Variants in CENPU observed in about 807,000 individuals in gnomAD.
CENPU encodes the protein KSHV latent nuclear antigen interacting protein 1.
CENPU carries 46 observed loss-of-function variants against 56.7 expected under a neutral mutation model. The observed-to-expected ratio is 0.81, with a 90% CI of 0.64 to 1.04. The LOEUF is 1.04. Ranked by LOEUF, CENPU falls within the 50% of genes least tolerant of loss-of-function variation. The pLI is 0.00. For missense variants in CENPU, 510 were observed against 490.1 expected (o/e 1.04, Z -0.38); for synonymous variants, 166 against 163.0 (o/e 1.02, Z -0.14).
At chr4:184,702,324 A>G (rs1054897776) in intron 9 of CENPU, 39 bp downstream of exon 9, 1 of 1,588,786 alleles carries the variant, frequency 6.3e-7, no homozygotes, top group Non-Finnish European at 8.6e-7. Context: ...GATTAGTGAA[A>G]AAAACCTTAG....
At chr4:184,729,102 C>A in intron 2 of CENPU, 67 bp from the exon 3 acceptor site, 1 of 1,197,976 alleles carries the variant, frequency 8.3e-7, no homozygotes, top group Non-Finnish European at 1.2e-6. Context: ...ATTTATACAG[C>A]AAGAATATTC....
At chr4:184,711,110 C>G (rs1329401824) in intron 7 of CENPU, among the ~76,000 whole-genome samples, 1 of 152,170 alleles carries the variant, frequency 6.6e-6, no homozygotes, top group Admixed American at 6.5e-5. Flanking sequence ...CTCACCTCAG[C>G]CTCCCAAAGT....
intron 3 of CENPU, 106 bp downstream of exon 3, chr4:184,728,812 G>T: frequency 1.3e-6 from 1 of 780,114 alleles, no homozygotes. Flanking sequence ...ATATTTACAT[G>T]CAGGCAACTA....
At chr4:184,711,324 T>C (rs56844261) in intron 7 of CENPU, among the ~76,000 whole-genome samples, 27,095 of 152,126 alleles carry the variant, frequency 0.18, 2,714 homozygotes, top group African/African-American at 0.26. Flanking sequence ...TTTATGGGTA[T>C]GGTGTGATGT....
chr4:184,722,690 AAAAACAAAAC>A (rs199579853), intron 4 of CENPU, among the ~76,000 whole-genome samples: 76 of 147,276 alleles, frequency 5.2e-4, no homozygotes, highest in African/African-American at 1.7e-3. Context: ...ATGAACCAGT[AAAAACAAAAC>A]AAAACAAAAC....
chr4:184,697,967 A>G, intron 11 of CENPU, 164 bp from the exon 12 acceptor site: 1 of 560,680 alleles, frequency 1.8e-6, no homozygotes. Context: ...GTTTCAGTTT[A>G]AAATGTAGGA....
In CENPU at chr4:184,725,055, A is replaced by G. The variant is rs1761407116; in HGVS notation, c.222T>C (p.Pro74=). The G allele has an allele frequency of 6.2e-7, 1 of 1,601,494 alleles. No homozygotes were observed. Among genetic ancestry groups the G allele is most frequent in the South Asian group, 1.1e-5 (1 of 88,930 alleles). ...CAGCATATATAGCTGTGCTATGTAA[A>G]GGAGGATCTTTCAAAAGACAAAAAA... ...DEETYETFDP[P]LHSTAIYADE... is the part of the protein sequence containing the mutation. The change falls in exon 4 of 13, where the codon CCT becomes CCC. Residue 74 remains proline, a synonymous_variant. Transcript: ENST00000281453.
Position 184,697,784 on chromosome 4 carries a change from G to T in CENPU, c.1006C>A (p.Gln336Lys). 1.2e-6 allele frequency: 2 copies of T among 1,607,198 alleles called. No individual in the cohort carries two copies. Among genetic ancestry groups the T allele is most frequent in the Non-Finnish European group, 1.7e-6 (2 of 1,178,440 alleles). ...AGTTCATCATATTTTGTTTGTAGTT[G>T]TTTCAGCTGTGGCTCTAACCTAAAA... Reference protein sequence around the residue: ...ELLRLEPQLKQLQTKYDELKE... With the variant: ...ELLRLEPQLKKLQTKYDELKE... The change falls in exon 12 of 13, where the codon CAA (glutamine) becomes AAA (lysine). Residue 336 changes from glutamine (Q) to lysine (K), a missense_variant. Transcript: ENST00000281453.
chr4:184,717,162 C>T lies in CENPU; in HGVS notation c.355G>A (p.Glu119Lys), dbSNP rs772762451. 7 of 1,612,048 alleles carry T rather than the reference C, an allele frequency of 4.3e-6. No individual in the cohort carries two copies. In the South Asian group the frequency reaches 5.5e-5, roughly 13 times the overall value. The change falls in exon 5 of 13, where the codon GAA becomes AAA. Residue 119 changes from glutamate to lysine, a missense_variant. Physicochemically the swap from Glu to Lys is moderately conservative, Grantham distance 56. Coordinates refer to ENST00000281453, the MANE Select transcript of CENPU (RefSeq NM_024629.4). ...DTSGNEASEI[E>K]SVKISAKKPG... ...TTTTTTGCACTAATTTTTACAGATT[C>T]GATTTCACTTGCTTCATTTCCAGAA...
chr4:184,694,425 T>TAATA lies in CENPU; in HGVS notation c.*859_*862dup. 7.0e-7 allele frequency: 1 copy of TAATA among 1,435,862 alleles called. No individual in the cohort carries two copies. Among genetic ancestry groups the TAATA allele is most frequent in the South Asian group, 1.5e-5 (1 of 68,494 alleles). The allele number at this position is 1,435,862 out of a possible 1,614,324, so 88.9% of individuals were successfully genotyped here. On this transcript the variant is annotated 3_prime_UTR_variant, in exon 13 of 13. Transcript: ENST00000281453. ...CATATTCACTTTAGTATCTGTCACT[T>TAATA]AATACCTTACTTCAACATAGAGTAT...
rs141400170 is a variant in CENPU, at chr4:184,722,239, CA to C, written c.320+2717del. ...CAAAACCTATGGGATACCACAAAAGCAGTACTAAGAGGGAAGTTTACAGCTA... is the reference window on the plus strand; with the variant it reads ...CAAAACCTATGGGATACCACAAAAGCGTACTAAGAGGGAAGTTTACAGCTA... On this transcript the variant is annotated intron_variant, in intron 4 of 12. Coordinates refer to ENST00000281453, the MANE Select transcript of CENPU (RefSeq NM_024629.4). Among the ~76,000 whole-genome samples the C allele has an allele frequency of 7.2e-3, 1,102 of 152,116 alleles. 15 individuals carry two copies. Among genetic ancestry groups the C allele is most frequent in the African/African-American group, 0.025 (1,045 of 41,494 alleles).
rs201687211 is a variant in CENPU at position 184,716,183 on chromosome 4, C to A, written c.618+214G>T. ...CTTCTGACCTCAGGTGATCCCCCTG[C>A]CTCGGTCTCCCAAAGTGCTGGGATT... On this transcript the variant is annotated intron_variant, in intron 6 of 12. Coordinates refer to ENST00000281453, the MANE Select transcript of CENPU (RefSeq NM_024629.4). 1.6e-4 allele frequency among the ~76,000 whole-genome samples: 24 copies of A among 152,262 alleles called. No individual in the cohort carries two copies. In the East Asian group the frequency reaches 4.1e-3, roughly 26 times the overall value.
At chr4:184,716,783 T>C (rs890202488) in intron 5 of CENPU, 150 bp from the exon 6 acceptor site, 8 of 658,448 alleles carry the variant, frequency 1.2e-5, no homozygotes, top group Non-Finnish European at 2.0e-5. Context: ...ACTTAATTAG[T>C]GGATAGGACA....
Position 184,707,161 on chromosome 4 carries a change from C to G in CENPU, c.797+2911G>C, listed in dbSNP as rs141848656. On this transcript the variant is annotated intron_variant, in intron 8 of 12. Coordinates refer to ENST00000281453, the MANE Select transcript of CENPU (RefSeq NM_024629.4). ...GATGAGTTGGCATGACAGGCTGGCT[C>G]CTTTCCCCAAGCTCACCCAGAACTA... 1.6e-4 allele frequency among the ~76,000 whole-genome samples: 24 copies of G among 151,190 alleles called. No individual in the cohort carries two copies. In the East Asian group the frequency reaches 3.7e-3, roughly 23 times the overall value.
chr4:184,706,863 C>T lies in CENPU; in HGVS notation c.797+3209G>A, dbSNP rs532415851. Among the ~76,000 whole-genome samples the T allele has an allele frequency of 2.6e-3, 394 of 152,282 alleles. 1 individual carries two copies. The highest frequency in any genetic ancestry group is 3.1e-3 in the Non-Finnish European group (210 of 68,030). ...CATTTCTTATATCAAGAACTTACTACCCACTGCAGCAACTCAGACCTCTGT... is the reference window on the plus strand; with the variant it reads ...CATTTCTTATATCAAGAACTTACTATCCACTGCAGCAACTCAGACCTCTGT... On this transcript the variant is annotated intron_variant, in intron 8 of 12. Coordinates refer to ENST00000281453, the MANE Select transcript of CENPU (RefSeq NM_024629.4).
rs1197052625 is a variant in CENPU, at chr4:184,702,453, T to A, written c.798-12A>T. The A allele has an allele frequency of 4.4e-6, 7 of 1,591,942 alleles. No homozygotes were observed. The Admixed American group carries it at 5.5e-5, about 12-fold the overall frequency. Reference sequence around the variant, plus strand: ...ATTCTATTCTTTGTCTGTAGAGGAATTAAAAAAAAGTCTAAGTACCATGAT... The same window carrying A: ...ATTCTATTCTTTGTCTGTAGAGGAAATAAAAAAAAGTCTAAGTACCATGAT... On this transcript the variant is annotated splice_polypyrimidine_tract_variant and intron_variant, in intron 8 of 12. Coordinates refer to ENST00000281453, the MANE Select transcript of CENPU (RefSeq NM_024629.4).
At chr4:184,723,556 G>A (rs1328216751) in intron 4 of CENPU, among the ~76,000 whole-genome samples, 1 of 152,092 alleles carries the variant, frequency 6.6e-6, no homozygotes, top group African/African-American at 2.4e-5. Flanking sequence ...ATATAAAACT[G>A]GAGTCAGCCA....
intron 8 of CENPU, among the ~76,000 whole-genome samples, chr4:184,702,647 T>G (rs1316021873): frequency 2.6e-5 from 4 of 152,180 alleles, no homozygotes; most frequent in Non-Finnish European, 5.9e-5. Flanking sequence ...CACTGACGTT[T>G]GGGGTACAAC....
At chr4:184,699,662 G>GTCTC in intron 11 of CENPU, 4 of 1,208,040 alleles carry the variant, frequency 3.3e-6, no homozygotes, top group Non-Finnish European at 4.3e-6. Flanking sequence ...TCCTGTGGCA[G>GTCTC]TCTCTCTTTT....
Sources: gnomAD v4.1 joint callset for allele counts (sites outside exome capture counted in the v4.1 genomes callset) on GRCh38, gnomAD v4.1.1 for gene constraint, MANE v1.5 for transcripts, NCBI Gene and HGNC (gene_info 2026-07-23, HGNC 2026-07-21) for gene names.